The following NRG2 variants were observed in gnomAD, a reference collection of about 807,000 sequenced individuals.
NRG2 encodes pro-neuregulin-2, membrane-bound isoform.
A neutral mutation model predicts 73.9 loss-of-function variants in NRG2; 27 were observed. The observed-to-expected ratio is 0.37, with a 90% CI of 0.27 to 0.50. The LOEUF (loss-of-function observed/expected upper bound fraction) is 0.50, where lower values mean the gene tolerates loss of function less well. Ranked by LOEUF, NRG2 falls within the 20% of genes least tolerant of loss-of-function variation. The probability of loss-of-function intolerance (pLI) is 0.96; values close to 1 mark genes in which losing one functional copy is unlikely to be tolerated. For synonymous variants in NRG2, 532 were observed against 541.0 expected, an observed-to-expected ratio of 0.98 and a Z score of 0.23; for missense variants, 1,126 against 1,210.1, an observed-to-expected ratio of 0.93 and a Z score of 1.03.
intron 1 of NRG2, among the ~76,000 whole-genome samples, chr5:139,911,973 C>T (rs74643152): frequency 6.6e-6 from 1 of 152,296 alleles, no homozygotes; most frequent in African/African-American, 2.4e-5. Context: ...CCCTGGGGTA[C>T]AGTGACTGCA....
At chr5:139,952,661 G>C (rs1212571342) in intron 1 of NRG2, among the ~76,000 whole-genome samples, 1 of 152,238 alleles carries the variant, frequency 6.6e-6, no homozygotes, top group South Asian at 2.1e-4. Context: ...TACCACGGTG[G>C]AGGAGGAATA....
intron 2 of NRG2, among the ~76,000 whole-genome samples, chr5:139,882,719 T>C (rs553435501): frequency 6.6e-6 from 1 of 152,164 alleles, no homozygotes; most frequent in South Asian, 2.1e-4. Context: ...GTGGGGGTGT[T>C]GATGCACAGG....
chr5:140,031,275 A>G (rs1314663582), intron 1 of NRG2, among the ~76,000 whole-genome samples: 1 of 152,174 alleles, frequency 6.6e-6, no homozygotes, highest in African/African-American at 2.4e-5. Flanking sequence ...GAAGTGGGAG[A>G]GGTGAAGCCT....
chr5:140,016,524 G>T (rs1759792766), intron 1 of NRG2, among the ~76,000 whole-genome samples: 2 of 152,204 alleles, frequency 1.3e-5, no homozygotes, highest in Admixed American at 1.3e-4. Context: ...GCCAGGCATT[G>T]TGCTAGGGCT....
At chr5:140,000,855 C>T (rs577052053) in intron 1 of NRG2, among the ~76,000 whole-genome samples, 3 of 152,342 alleles carry the variant, frequency 2.0e-5, no homozygotes, top group African/African-American at 4.8e-5. Context: ...TCTCTGTCAA[C>T]GTCAGATGTG....
intron 1 of NRG2, among the ~76,000 whole-genome samples, chr5:139,936,324 GAA>G (rs1465163752): frequency 6.6e-6 from 1 of 152,080 alleles, no homozygotes; most frequent in African/African-American, 2.4e-5. Flanking sequence ...TCAACAATGA[GAA>G]AAGAGTCATC....
intron 1 of NRG2, among the ~76,000 whole-genome samples, chr5:139,899,414 A>G (rs1407329114): frequency 6.6e-6 from 1 of 152,236 alleles, no homozygotes; most frequent in East Asian, 1.9e-4. Flanking sequence ...AATAATTTAA[A>G]TGTCCATCTT....
At chr5:139,849,043 G>T (rs1761233847) in intron 9 of NRG2, among the ~76,000 whole-genome samples, 1 of 152,130 alleles carries the variant, frequency 6.6e-6, no homozygotes. Flanking sequence ...CACCGTCAGG[G>T]GGTCAGGCTC....
intron 1 of NRG2, among the ~76,000 whole-genome samples, chr5:140,005,367 C>T (rs1758812345): frequency 6.6e-6 from 1 of 152,206 alleles, no homozygotes; most frequent in African/African-American, 2.4e-5. Flanking sequence ...CCCATACTCT[C>T]ACGCCTCAGC....
intron 4 of NRG2, 110 bp downstream of exon 4, chr5:139,871,611 G>C: frequency 2.1e-6 from 3 of 1,421,518 alleles, no homozygotes; most frequent in Non-Finnish European, 2.9e-6. Context: ...ACACCCCTTG[G>C]GGACCTCTTG....
intron 1 of NRG2, among the ~76,000 whole-genome samples, chr5:140,014,025 T>TG (rs1338407921): frequency 6.6e-6 from 1 of 152,228 alleles, no homozygotes; most frequent in Non-Finnish European, 1.5e-5. Context: ...ATTCCTTTGG[T>TG]GATCTCAACT....
At chr5:139,994,220 T>C (rs910216351) in intron 1 of NRG2, among the ~76,000 whole-genome samples, 2 of 152,222 alleles carry the variant, frequency 1.3e-5, no homozygotes, top group African/African-American at 4.8e-5. Context: ...TTCTGCTTTG[T>C]TCCAAAAAAA....
In NRG2 at chr5:139,887,636, C is replaced by A; in HGVS notation, c.701-125G>T. On this transcript the variant is annotated intron_variant, in intron 1 of 9. Transcript: ENST00000361474. The surrounding 1 kb of genome is among the most constrained non-coding windows in gnomAD (Gnocchi z 4.5). ...GGGAAGGGAAGGGTGATCCTGAGAG[C>A]CACCCCTCCTAGTGTCATTTCCTAG... 1.3e-6 allele frequency: 1 copy of A among 746,786 alleles called. No homozygotes were observed. The highest frequency in any genetic ancestry group is 1.7e-5 in the South Asian group (1 of 57,182). 46.3% of individuals were successfully genotyped at this position (746,786 alleles called of 1,614,324 possible). A position where few individuals can be genotyped will look rare whatever the true frequency, so the allele number is the denominator to read the frequency against.
Position 139,880,902 on chromosome 5 carries a change from G to A in NRG2, c.945C>T (p.Asn315=), listed in dbSNP as rs569647860. The change falls in exon 3 of 10, where the codon AAC becomes AAT. Residue 315 remains asparagine, a synonymous_variant. Transcript: ENST00000361474. ...DAGEYVCEAE[N]ILGKDTVRGR... ...CCCGGACGGTGTCCTTCCCCAGGAT[G>A]TTCTCGGCCTCGCAGACATACTCCC... The A allele has an allele frequency of 1.9e-6, 3 of 1,614,202 alleles. No homozygotes were observed. The highest frequency in any genetic ancestry group is 2.2e-5 in the East Asian group (1 of 44,876).
chr5:139,938,892 GAAAGAAAGAAAGAAAAGAA>G (rs1753088178), intron 1 of NRG2, among the ~76,000 whole-genome samples: 8 of 73,734 alleles, frequency 1.1e-4, no homozygotes, highest in African/African-American at 4.7e-4. Context: ...AGGAAAGAAA[GAAAGAAAGAAAGAAAAGAA>G]AGAAAGAAAG....
chr5:139,988,374 T>C (rs185515001), intron 1 of NRG2, among the ~76,000 whole-genome samples: 78 of 152,170 alleles, frequency 5.1e-4, no homozygotes, highest in Non-Finnish European at 9.6e-4. Context: ...TCTTCTATAA[T>C]TGCCAAAACT....
intron 1 of NRG2, among the ~76,000 whole-genome samples, chr5:140,029,853 G>T (rs1217166256): frequency 1.3e-5 from 2 of 152,046 alleles, no homozygotes; most frequent in Non-Finnish European, 2.9e-5. Flanking sequence ...TGAATGACCT[G>T]AGAAAGAAGG....
At chr5:139,876,286 A>C (rs529529803) in intron 3 of NRG2, among the ~76,000 whole-genome samples, 1 of 152,282 alleles carries the variant, frequency 6.6e-6, no homozygotes, top group South Asian at 2.1e-4. Context: ...GTATGATTCT[A>C]TTTGTATGAA....
intron 3 of NRG2, among the ~76,000 whole-genome samples, chr5:139,878,680 A>G (rs1437264998): frequency 6.6e-6 from 1 of 152,214 alleles, no homozygotes; most frequent in Non-Finnish European, 1.5e-5. Flanking sequence ...TCTAGTCAAG[A>G]AAGTCTTGAC....
Sources: gnomAD v4.1 joint callset for allele counts (sites outside exome capture counted in the v4.1 genomes callset) on GRCh38, gnomAD v4.1.1 for gene constraint, Gnocchi (gnomAD v3.1) non-coding constraint, MANE v1.5 for transcripts, NCBI Gene and HGNC (gene_info 2026-07-23, HGNC 2026-07-21) for gene names.